Variants in DENND2A observed in about 807,000 individuals in gnomAD.
DENND2A encodes the protein DENN domain containing 2A.
In DENND2A, 53 loss-of-function variants were observed where a neutral mutation model predicts 105.3. That is an observed-to-expected ratio of 0.50 (90% CI 0.40 to 0.63). The LOEUF (loss-of-function observed/expected upper bound fraction) is 0.63, where lower values mean the gene tolerates loss of function less well. Ranked by LOEUF, DENND2A falls within the 30% of genes least tolerant of loss-of-function variation. The probability of loss-of-function intolerance (pLI) is 0.00; values close to 1 mark genes in which losing one functional copy is unlikely to be tolerated. For synonymous variants in DENND2A, 522 were observed against 508.4 expected, an observed-to-expected ratio of 1.03 and a Z score of -0.36; for missense variants, 1,138 against 1,279.6, an observed-to-expected ratio of 0.89 and a Z score of 1.69.
intron 13 of DENND2A, among the ~76,000 whole-genome samples, chr7:140,545,670 G>A (rs1241851628): frequency 1.3e-5 from 2 of 152,194 alleles, no homozygotes; most frequent in Admixed American, 6.5e-5. Context: ...TACCCAGCCT[G>A]TGTGTATATC....
intron 5 of DENND2A, among the ~76,000 whole-genome samples, chr7:140,575,999 T>G (rs1798285657): frequency 6.6e-6 from 1 of 151,290 alleles, no homozygotes. Flanking sequence ...ACAAAAAACT[T>G]AATGTACTGA....
chr7:140,558,520 A>C (rs1182386493), intron 10 of DENND2A, among the ~76,000 whole-genome samples: 2 of 151,892 alleles, frequency 1.3e-5, no homozygotes, highest in Non-Finnish European at 2.9e-5. Flanking sequence ...ATAGGGTGAA[A>C]CCCTGTCTCT....
intron 3 of DENND2A, among the ~76,000 whole-genome samples, chr7:140,594,506 G>C (rs1169471874): frequency 6.6e-6 from 1 of 152,134 alleles, no homozygotes; most frequent in Non-Finnish European, 1.5e-5. Context: ...TTCCCTGATA[G>C]GCTACACATC....
At chr7:140,554,897 C>G (rs184701109) in intron 12 of DENND2A, among the ~76,000 whole-genome samples, 5 of 152,102 alleles carry the variant, frequency 3.3e-5, no homozygotes, top group African/African-American at 1.2e-4. Flanking sequence ...AATTAATCCC[C>G]CCTCCACAAA....
chr7:140,556,582 T>C (rs1042363662), intron 11 of DENND2A, among the ~76,000 whole-genome samples: 8 of 152,110 alleles, frequency 5.3e-5, no homozygotes, highest in Admixed American at 4.6e-4. Context: ...TCAGGCAACC[T>C]GCCCACCTCA....
At chr7:140,539,365 AG>A (rs1796567865) in intron 14 of DENND2A, among the ~76,000 whole-genome samples, 2 of 152,194 alleles carry the variant, frequency 1.3e-5, no homozygotes, top group Non-Finnish European at 2.9e-5. Flanking sequence ...CCCTGCTGGA[AG>A]GCCAAAGGCT....
intron 8 of DENND2A, 23 bp from the exon 9 acceptor site, chr7:140,567,296 AAGAGAGAAAGAGAGAGAGAGAGAGAGAG>A: frequency 4.8e-6 from 4 of 830,710 alleles, no homozygotes; most frequent in Non-Finnish European, 7.0e-6. Flanking sequence ...GGGAGAGAGA[AAGAGAGAAAGAGAGAGAGAGAGAGAGAG>A]AGAGAGAGAG....
chr7:140,527,242 G>T lies in DENND2A; in HGVS notation c.2505+76C>A. 1 of 1,426,666 alleles carries T rather than the reference G, an allele frequency of 7.0e-7. No homozygotes were observed. Among genetic ancestry groups the T allele is most frequent in the Non-Finnish European group, 9.3e-7 (1 of 1,073,434 alleles). The allele number at this position is 1,426,666 out of a possible 1,614,324, so 88.4% of individuals were successfully genotyped here. ...CTGCTGGCTCTGAGAACCGCTCCAT[G>T]ATGCCTGCAGAGCCAGCGCCCCGCT... On this transcript the variant is annotated intron_variant, in intron 15 of 19. Coordinates refer to ENST00000496613, the MANE Select transcript of DENND2A (RefSeq NM_015689.5). The surrounding 1 kb of genome is among the most constrained non-coding windows in gnomAD (Gnocchi z 4.9).
At chr7:140,558,101 A>G in intron 11 of DENND2A, 42 bp downstream of exon 11, 1 of 1,563,224 alleles carries the variant, frequency 6.4e-7, no homozygotes, top group Non-Finnish European at 8.8e-7. Flanking sequence ...AGGACTAGGA[A>G]GTCCACGAGG....
intron 14 of DENND2A, among the ~76,000 whole-genome samples, chr7:140,540,670 G>A (rs57565761): frequency 0.014 from 2,155 of 152,062 alleles, 47 homozygotes; most frequent in African/African-American, 0.048. Flanking sequence ...AGGCGGAGGC[G>A]TCAAGTCCTC....
intron 18 of DENND2A, among the ~76,000 whole-genome samples, chr7:140,521,315 C>T (rs1353162468): frequency 6.6e-6 from 1 of 151,940 alleles, no homozygotes; most frequent in East Asian, 1.9e-4. Context: ...ACTCTCTCAA[C>T]CAGGCTGGAG....
In DENND2A at chr7:140,525,807, G is replaced by A. The variant is rs1443142602; in HGVS notation, c.2506-15C>T. 5.6e-6 allele frequency: 9 copies of A among 1,593,464 alleles called. No homozygotes were observed. The East Asian group carries it at 9.2e-5, about 16-fold the overall frequency. ...ACCACAAGGACCTATGAGATGAGAC[G>A]AAAGGGACTGTTACTGTCACCAGGG... On this transcript the variant is annotated splice_polypyrimidine_tract_variant and intron_variant, in intron 15 of 19. Coordinates refer to ENST00000496613, the MANE Select transcript of DENND2A (RefSeq NM_015689.5).
intron 1 of DENND2A, among the ~76,000 whole-genome samples, chr7:140,623,800 T>C (rs1800396610): frequency 6.6e-6 from 1 of 151,832 alleles, no homozygotes; most frequent in African/African-American, 2.4e-5. Context: ...TAGGCCACAG[T>C]ATCAAAAGGT....
At chr7:140,622,836 T>C (rs1800346400) in intron 1 of DENND2A, among the ~76,000 whole-genome samples, 1 of 152,120 alleles carries the variant, frequency 6.6e-6, no homozygotes, top group Non-Finnish European at 1.5e-5. Context: ...CCTTCCAAAG[T>C]GCTGGGATTA....
intron 9 of DENND2A, among the ~76,000 whole-genome samples, chr7:140,560,469 A>C (rs181734096): frequency 6.1e-4 from 93 of 152,196 alleles, no homozygotes; most frequent in Admixed American, 4.1e-3. Flanking sequence ...TCTCTTTATG[A>C]TATTCTAGCA....
intron 1 of DENND2A, among the ~76,000 whole-genome samples, chr7:140,606,673 C>T (rs921707875): frequency 6.6e-6 from 1 of 152,118 alleles, no homozygotes; most frequent in African/African-American, 2.4e-5. Context: ...AAGAAACAGC[C>T]AGTCACGAGG....
At chr7:140,542,565 C>CTTTT (rs771623397) in intron 14 of DENND2A, among the ~76,000 whole-genome samples, 4 of 111,980 alleles carry the variant, frequency 3.6e-5, no homozygotes, top group African/African-American at 7.1e-5. Flanking sequence ...TTTTCTCTCT[C>CTTTT]TTTTTTTTTT....
intron 12 of DENND2A, among the ~76,000 whole-genome samples, chr7:140,551,230 G>A (rs950678137): frequency 1.3e-5 from 2 of 148,370 alleles, no homozygotes; most frequent in African/African-American, 5.0e-5. Flanking sequence ...AACCTGGGAG[G>A]TGGAGGTTGC....
intron 14 of DENND2A, among the ~76,000 whole-genome samples, chr7:140,528,218 G>T (rs1463190985): frequency 6.6e-6 from 1 of 152,116 alleles, no homozygotes; most frequent in Non-Finnish European, 1.5e-5. Flanking sequence ...AACACAAACG[G>T]TGAAAGCCTA....
Sources: gnomAD v4.1 joint callset for allele counts (sites outside exome capture counted in the v4.1 genomes callset) on GRCh38, gnomAD v4.1.1 for gene constraint, Gnocchi (gnomAD v3.1) non-coding constraint, MANE v1.5 for transcripts, NCBI Gene and HGNC (gene_info 2026-07-23, HGNC 2026-07-21) for gene names.